DRICH1: variants seen among roughly 807,000 people sequenced by gnomAD.
The protein encoded by DRICH1 is aspartate rich 1.
Under a neutral mutation model 39.5 loss-of-function variants are expected in DRICH1, and 38 were observed. That is an observed-to-expected ratio of 0.96 (90% CI 0.74 to 1.26). The LOEUF (loss-of-function observed/expected upper bound fraction) is 1.26, where lower values mean the gene tolerates loss of function less well. Among genes scored for constraint, DRICH1 ranks in the 50% most tolerant of loss-of-function variants. The pLI, the probability that DRICH1 is intolerant of heterozygous loss-of-function variation, is 0.00. For missense variants in DRICH1, 279 were observed against 270.4 expected, an observed-to-expected ratio of 1.03 and a Z score of -0.22; for synonymous variants, 84 against 99.5, an observed-to-expected ratio of 0.84 and a Z score of 0.93.
chr22:23,609,605 C>T (rs916721961), intron 11 of DRICH1, among the ~76,000 whole-genome samples: 5 of 152,136 alleles, frequency 3.3e-5, no homozygotes, highest in Non-Finnish European at 5.9e-5. Flanking sequence ...CTGGGCCTCT[C>T]TGGGCTCTGA....
chr22:23,619,041 A>ATGGG (rs1927551275), intron 6 of DRICH1, among the ~76,000 whole-genome samples: 1 of 151,950 alleles, frequency 6.6e-6, no homozygotes, highest in Non-Finnish European at 1.5e-5. Context: ...ACGTGGTGGC[A>ATGGG]TGCATCTGTA....
the DRICH1 span, among the ~76,000 whole-genome samples, chr22:23,586,029 A>G: frequency 6.6e-6 from 1 of 152,164 alleles, no homozygotes; most frequent in Non-Finnish European, 1.5e-5. Context: ...ATGTAAGTCC[A>G]TTAGGTACTC....
the DRICH1 span, among the ~76,000 whole-genome samples, chr22:23,594,013 G>A: frequency 7.1e-6 from 1 of 141,296 alleles, no homozygotes; most frequent in Non-Finnish European, 1.6e-5. Context: ...CAAAGGTGAA[G>A]GCATCCTAAG....
rs1044928097 is a variant in DRICH1, at chr22:23,631,760, G to A, written c.208+56C>T. On this transcript the variant is annotated intron_variant, in intron 1 of 11. Coordinates refer to ENST00000317749, the MANE Select transcript of DRICH1 (RefSeq NM_016449.4). Reference sequence around the variant, plus strand: ...CTCTGGGGATGAGGGTAAGGGAAGGGGGTGGGGGTGGCCAGAGGTGTGCCA... The same window carrying A: ...CTCTGGGGATGAGGGTAAGGGAAGGAGGTGGGGGTGGCCAGAGGTGTGCCA... 21 of 1,376,616 alleles carry A rather than the reference G, an allele frequency of 1.5e-5. No homozygotes were observed. The African/African-American group carries it at 3.0e-4, about 20-fold the overall frequency. 85.3% of individuals were successfully genotyped at this position (1,376,616 alleles called of 1,614,324 possible). A position where few individuals can be genotyped will look rare whatever the true frequency, so the allele number is the denominator to read the frequency against.
rs1171813141 is a variant in DRICH1 at position 23,613,290 on chromosome 22, T to G, written c.684A>C (p.Pro228=). The change falls in exon 11 of 12, where the codon CCA becomes CCC. Residue 228 remains proline, a splice_region_variant and synonymous_variant. Coordinates refer to ENST00000317749, the MANE Select transcript of DRICH1 (RefSeq NM_016449.4). ...TTTTGCTGGCACGTAGTTCCCTACC[T>G]GGATGAATCTCTTCATCACTTAGAC... ...LESLSDEEIH[P]G is the part of the protein sequence containing the mutation. 1 of 1,611,916 alleles carries G rather than the reference T, an allele frequency of 6.2e-7. No homozygotes were observed. Among genetic ancestry groups the G allele is most frequent in the African/African-American group, 1.3e-5 (1 of 74,990 alleles).
intron 6 of DRICH1, among the ~76,000 whole-genome samples, chr22:23,618,444 T>C (rs893273200): frequency 1.5e-4 from 23 of 152,196 alleles, no homozygotes; most frequent in African/African-American, 5.5e-4. Context: ...TAGAGATCAT[T>C]TAAAAAATTA....
chr22:23,626,191 A>G, intron 1 of DRICH1, 143 bp from the exon 2 acceptor site: 2 of 621,372 alleles, frequency 3.2e-6, no homozygotes, highest in South Asian at 4.0e-5. Flanking sequence ...TCAAGTAGTG[A>G]GCATGAGGGA....
the DRICH1 span, among the ~76,000 whole-genome samples, chr22:23,598,858 T>C: frequency 6.6e-6 from 1 of 152,090 alleles, no homozygotes; most frequent in Non-Finnish European, 1.5e-5. Flanking sequence ...TGTGCTCCGA[T>C]GTGAGCTTGG....
intron 8 of DRICH1, among the ~76,000 whole-genome samples, chr22:23,615,252 T>G (rs1224340807): frequency 6.6e-6 from 1 of 152,138 alleles, no homozygotes; most frequent in African/African-American, 2.4e-5. Flanking sequence ...GGTGAGTGCC[T>G]GTAATTCCAG....
chr22:23,617,004 C>A, intron 7 of DRICH1, 130 bp from the exon 8 acceptor site: 3 of 1,058,482 alleles, frequency 2.8e-6, no homozygotes, highest in East Asian at 2.4e-5. Context: ...GGTCAAAGAC[C>A]AAACATTCTA....
At chr22:23,601,838 A>AG in the DRICH1 span, among the ~76,000 whole-genome samples, 1 of 152,370 alleles carries the variant, frequency 6.6e-6, no homozygotes. Flanking sequence ...TTCTGTAAAA[A>AG]GCAACAGTAT....
At chr22:23,613,897 CTGT>C (rs1555909048) in intron 9 of DRICH1, among the ~76,000 whole-genome samples, 4 of 152,138 alleles carry the variant, frequency 2.6e-5, no homozygotes, top group Admixed American at 6.5e-5. Flanking sequence ...AGGTGGAAAA[CTGT>C]TGTTGTGGAA....
chr22:23,590,969 T>C, the DRICH1 span, among the ~76,000 whole-genome samples: 9 of 152,166 alleles, frequency 5.9e-5, no homozygotes, highest in African/African-American at 2.2e-4. Flanking sequence ...TTTTGTTCCA[T>C]ATCTGCTTGA....
At chr22:23,620,798 G>A (rs1425550921) in intron 4 of DRICH1, among the ~76,000 whole-genome samples, 183 bp from the exon 5 acceptor site, 6 of 152,114 alleles carry the variant, frequency 3.9e-5, no homozygotes, top group African/African-American at 1.4e-4. Flanking sequence ...TTTTCCCACA[G>A]AATTTATCTT....
At chr22:23,628,715 CCTGT>C (rs1928219292) in intron 1 of DRICH1, among the ~76,000 whole-genome samples, 1 of 152,186 alleles carries the variant, frequency 6.6e-6, no homozygotes, top group Admixed American at 6.5e-5. Context: ...AGGCCTGGGA[CCTGT>C]CTGTGTCTGT....
chr22:23,625,251 T>C (rs567788620), intron 2 of DRICH1, among the ~76,000 whole-genome samples: 2 of 152,308 alleles, frequency 1.3e-5, no homozygotes, highest in South Asian at 2.1e-4. Context: ...TCCCACTGAA[T>C]TCCATCCTCA....
At chr22:23,610,892 AT>A (rs36010947) in intron 11 of DRICH1, among the ~76,000 whole-genome samples, 12,187 of 139,190 alleles carry the variant, frequency 0.088, 570 homozygotes, top group African/African-American at 0.16. Context: ...GATGGGCAAA[AT>A]TTTTTTTTTT....
downstream of DRICH1, among the ~76,000 whole-genome samples, chr22:23,603,982 C>CA (rs770798298): frequency 1.3e-5 from 2 of 152,154 alleles, no homozygotes; most frequent in African/African-American, 2.4e-5. Context: ...AACTGTTCAT[C>CA]AAAAAAGCCC....
intron 3 of DRICH1, chr22:23,624,204 A>C: frequency 1.0e-6 from 1 of 985,440 alleles, no homozygotes; most frequent in Non-Finnish European, 1.2e-6. Flanking sequence ...GGCACACCGC[A>C]GAAGAATTCT....
Sources: gnomAD v4.1 joint callset for allele counts (sites outside exome capture counted in the v4.1 genomes callset) on GRCh38, gnomAD v4.1.1 for gene constraint, MANE v1.5 for transcripts, NCBI Gene and HGNC (gene_info 2026-07-23, HGNC 2026-07-21) for gene names.